The following ZNF804A variants were observed in gnomAD, a reference collection of about 807,000 sequenced individuals.
The protein encoded by ZNF804A is zinc finger protein 804A.
In ZNF804A, 2 loss-of-function variants were observed where a neutral mutation model predicts 16.5. The ratio of observed to expected loss-of-function variants is 0.12; its 90% CI spans 0.05 to 0.38. The LOEUF is 0.38. Among genes scored for constraint, ZNF804A ranks in the 10% least tolerant of loss-of-function variants. The pLI, the probability that ZNF804A is intolerant of heterozygous loss-of-function variation, is 0.99. For synonymous variants in ZNF804A, 534 were observed against 489.6 expected, an observed-to-expected ratio of 1.09 and a Z score of -1.20; for missense variants, 1,473 against 1,390.7, an observed-to-expected ratio of 1.06 and a Z score of -0.94.
intron 1 of ZNF804A, among the ~76,000 whole-genome samples, chr2:184,636,728 C>T (rs779597458): frequency 2.0e-5 from 3 of 151,816 alleles, no homozygotes; most frequent in Admixed American, 2.0e-4. Context: ...ATTATGAAGG[C>T]GATTGATGAA....
rs1167498542 is a variant in ZNF804A at position 184,939,188 on chromosome 2, T to C, written c.*162T>C. ...TTTACTGTAAGTGCAATGATGCAAATAAATCCCTAAGTTTCTGATATATAA... is the reference window on the plus strand; with the variant it reads ...TTTACTGTAAGTGCAATGATGCAAACAAATCCCTAAGTTTCTGATATATAA... On this transcript the variant is annotated 3_prime_UTR_variant, in exon 4 of 4. Transcript: ENST00000302277. 14 of 806,546 alleles carry C rather than the reference T, an allele frequency of 1.7e-5. No individual in the cohort carries two copies. The highest frequency in any genetic ancestry group is 2.7e-5 in the Admixed American group (1 of 37,542). 50.0% of individuals were successfully genotyped at this position (806,546 alleles called of 1,614,324 possible).
intron 1 of ZNF804A, among the ~76,000 whole-genome samples, chr2:184,820,658 A>G (rs6729873): frequency 0.037 from 5,549 of 151,982 alleles, 331 homozygotes; most frequent in African/African-American, 0.12. Flanking sequence ...GATCCTATAT[A>G]TAGAAAATCC....
intron 1 of ZNF804A, among the ~76,000 whole-genome samples, chr2:184,647,131 G>A (rs552702458): frequency 6.6e-6 from 1 of 152,310 alleles, no homozygotes; most frequent in African/African-American, 2.4e-5. Flanking sequence ...TAGAAGTTAA[G>A]CCAAAACAGC....
chr2:184,872,301 G>A, intron 2 of ZNF804A, among the ~76,000 whole-genome samples: 1 of 152,018 alleles, frequency 6.6e-6, no homozygotes, highest in East Asian at 1.9e-4. Flanking sequence ...AAACAAGAAT[G>A]CCACTATTCT....
At chr2:184,740,425 A>G (rs916155649) in intron 1 of ZNF804A, among the ~76,000 whole-genome samples, 1 of 152,222 alleles carries the variant, frequency 6.6e-6, no homozygotes, top group African/African-American at 2.4e-5. Context: ...CTATCCAAAG[A>G]CTGCACTTTG....
chr2:184,846,612 C>T (rs1695520568), intron 1 of ZNF804A, among the ~76,000 whole-genome samples: 1 of 151,946 alleles, frequency 6.6e-6, no homozygotes, highest in Admixed American at 6.6e-5. Context: ...TAAATTCCCC[C>T]GACAGCCCTG....
chr2:184,714,573 G>C (rs964718828), intron 1 of ZNF804A, among the ~76,000 whole-genome samples: 1 of 152,082 alleles, frequency 6.6e-6, no homozygotes, highest in Non-Finnish European at 1.5e-5. Context: ...TATCTAAAAA[G>C]TGCTAAGAAA....
chr2:184,860,622 G>A (rs988211136), intron 1 of ZNF804A, among the ~76,000 whole-genome samples: 8 of 152,200 alleles, frequency 5.3e-5, no homozygotes, highest in African/African-American at 1.2e-4. Flanking sequence ...CGCAAGGATA[G>A]CCTGATTTCT....
chr2:184,601,162 A>G (rs894970797), intron 1 of ZNF804A, among the ~76,000 whole-genome samples: 1 of 152,102 alleles, frequency 6.6e-6, no homozygotes, highest in Non-Finnish European at 1.5e-5. Context: ...ATTTGAAACT[A>G]CTGCTTTACA....
chr2:184,667,128 C>A (rs757370246), intron 1 of ZNF804A, among the ~76,000 whole-genome samples: 10 of 151,820 alleles, frequency 6.6e-5, no homozygotes, highest in Admixed American at 1.3e-4. Flanking sequence ...AAGAGTTTGA[C>A]TATAATTTGA....
chr2:184,636,837 A>G (rs757979968), intron 1 of ZNF804A, among the ~76,000 whole-genome samples: 6 of 152,092 alleles, frequency 3.9e-5, no homozygotes, highest in Non-Finnish European at 7.4e-5. Context: ...GTATAATGAA[A>G]TGTCTCCATC....
chr2:184,901,592 T>C (rs927207794), intron 2 of ZNF804A, among the ~76,000 whole-genome samples: 1 of 152,150 alleles, frequency 6.6e-6, no homozygotes, highest in Non-Finnish European at 1.5e-5. Flanking sequence ...GAATTTTCAT[T>C]GCCATCATTC....
At chr2:184,676,680 T>C (rs890775967) in intron 1 of ZNF804A, among the ~76,000 whole-genome samples, 5 of 151,152 alleles carry the variant, frequency 3.3e-5, no homozygotes, top group African/African-American at 1.2e-4. Context: ...TATTCTATAA[T>C]CTATTAATAA....
At chr2:184,723,501 G>A (rs192029762) in intron 1 of ZNF804A, among the ~76,000 whole-genome samples, 1 of 151,798 alleles carries the variant, frequency 6.6e-6, no homozygotes, top group African/African-American at 2.4e-5. Flanking sequence ...GGGCTGTATT[G>A]TAACTATAAA....
At chr2:184,629,133 T>C (rs1691559873) in intron 1 of ZNF804A, among the ~76,000 whole-genome samples, 1 of 152,186 alleles carries the variant, frequency 6.6e-6, no homozygotes, top group Non-Finnish European at 1.5e-5. Flanking sequence ...CTTGTTCTTA[T>C]TGATTCACGG....
In ZNF804A at chr2:184,840,922, T is replaced by G. The variant is rs569527475; in HGVS notation, c.112-25447T>G. ...AAACACCACCATTTCTTGACCATAT[T>G]CAGTTGAATTTTACTTAACATTAGG... On this transcript the variant is annotated intron_variant, in intron 1 of 3. Coordinates refer to ENST00000302277, the MANE Select transcript of ZNF804A (RefSeq NM_194250.2). Among the ~76,000 whole-genome samples the G allele has an allele frequency of 3.9e-5, 6 of 152,248 alleles. 1 individual carries two copies. The highest frequency in any genetic ancestry group is 1.4e-4 in the African/African-American group (6 of 41,570).
chr2:184,661,262 G>A (rs1692171645), intron 1 of ZNF804A, among the ~76,000 whole-genome samples: 1 of 151,998 alleles, frequency 6.6e-6, no homozygotes. Flanking sequence ...AGCCAGGAGT[G>A]TCACAGCTCT....
At chr2:184,790,035 A>G (rs965740349) in intron 1 of ZNF804A, among the ~76,000 whole-genome samples, 2 of 151,712 alleles carry the variant, frequency 1.3e-5, no homozygotes, top group Non-Finnish European at 2.9e-5. Flanking sequence ...CTCTATTTTC[A>G]TTCTTTTAAA....
chr2:184,723,038 A>G (rs1693343317), intron 1 of ZNF804A, among the ~76,000 whole-genome samples: 1 of 151,962 alleles, frequency 6.6e-6, no homozygotes, highest in African/African-American at 2.4e-5. Context: ...TCTGAAGGCT[A>G]GGCTTAGTTT....
Sources: allele counts gnomAD v4.1 joint callset (sites outside exome capture counted in the v4.1 genomes callset), GRCh38; gene constraint gnomAD v4.1.1; transcripts MANE v1.5; gene names NCBI Gene and HGNC (gene_info 2026-07-23, HGNC 2026-07-21).